ZC3HAV1: variants seen among roughly 807,000 people sequenced by gnomAD.
The protein encoded by ZC3HAV1 is zinc finger CCCH-type containing, antiviral 1.
A neutral mutation model predicts 86.6 loss-of-function variants in ZC3HAV1; 41 were observed. The ratio of observed to expected loss-of-function variants is 0.47; its 90% CI spans 0.37 to 0.61. The LOEUF is 0.61. Among genes scored for constraint, ZC3HAV1 ranks in the 20% least tolerant of loss-of-function variants. The probability of loss-of-function intolerance (pLI) is 0.00; values close to 1 mark genes in which losing one functional copy is unlikely to be tolerated. For missense variants in ZC3HAV1, 964 were observed against 1,141.1 expected (o/e 0.84, Z 2.24); for synonymous variants, 421 against 432.1 (o/e 0.97, Z 0.32).
chr7:139,065,061 T>C lies in ZC3HAV1; in HGVS notation c.1873-62A>G, dbSNP rs1417925849. ...GGCTTTTAGGAAATCTCTACTGTTA[T>C]ATGATTTCGTTTTAGCAATGAGATG... On this transcript the variant is annotated intron_variant, in intron 7 of 12. Coordinates refer to ENST00000242351, the MANE Select transcript of ZC3HAV1 (RefSeq NM_020119.4). The C allele has an allele frequency of 7.5e-6, 12 of 1,598,352 alleles. No homozygotes were observed. In the Admixed American group the frequency reaches 1.0e-4, roughly 14 times the overall value.
At chr7:139,066,006 G>A (rs975604942) in intron 7 of ZC3HAV1, among the ~76,000 whole-genome samples, 3 of 152,124 alleles carry the variant, frequency 2.0e-5, no homozygotes, top group African/African-American at 7.2e-5. Flanking sequence ...GAATGTGTAG[G>A]TAAAAGGGAA....
intron 5 of ZC3HAV1, 98 bp from the exon 6 acceptor site, chr7:139,076,507 G>A (rs966831929): frequency 2.7e-6 from 4 of 1,506,412 alleles, no homozygotes; most frequent in Non-Finnish European, 3.6e-6. Context: ...TGCCTGCCCT[G>A]CCCCCTGCCA....
intron 2 of ZC3HAV1, among the ~76,000 whole-genome samples, chr7:139,085,579 G>C (rs981240128): frequency 6.6e-6 from 1 of 152,054 alleles, no homozygotes; most frequent in Non-Finnish European, 1.5e-5. Context: ...AGCAATCAAT[G>C]AAGTGACTGG....
chr7:139,080,560 G>A (rs568158887), intron 3 of ZC3HAV1, among the ~76,000 whole-genome samples: 2 of 152,304 alleles, frequency 1.3e-5, no homozygotes, highest in Admixed American at 1.3e-4. Context: ...CTCCTGAGTA[G>A]CTGAGACTAC....
chr7:139,104,929 A>G (rs966368923), intron 1 of ZC3HAV1, among the ~76,000 whole-genome samples: 2 of 142,520 alleles, frequency 1.4e-5, no homozygotes, highest in Non-Finnish European at 3.0e-5. Context: ...GCTACTCGGG[A>G]GGCTGAGGCA....
chr7:139,091,803 A>G (rs368364883), intron 1 of ZC3HAV1, among the ~76,000 whole-genome samples: 3 of 152,032 alleles, frequency 2.0e-5, no homozygotes, highest in South Asian at 4.2e-4. Flanking sequence ...TTGAGCTGAA[A>G]ATGACCTCAC....
At chr7:139,095,308 A>G (rs1817552930) in intron 1 of ZC3HAV1, among the ~76,000 whole-genome samples, 1 of 152,110 alleles carries the variant, frequency 6.6e-6, no homozygotes, top group Admixed American at 6.5e-5. Context: ...GTGTTATTAG[A>G]GGGTAGGGAT....
intron 7 of ZC3HAV1, among the ~76,000 whole-genome samples, chr7:139,067,783 G>A (rs904340021): frequency 2.6e-5 from 4 of 152,066 alleles, no homozygotes; most frequent in Non-Finnish European, 5.9e-5. Flanking sequence ...CGTGGCACAG[G>A]AGCCTTCACG....
intron 7 of ZC3HAV1, among the ~76,000 whole-genome samples, chr7:139,071,118 T>C (rs1179291393): frequency 6.6e-6 from 1 of 151,576 alleles, no homozygotes; most frequent in South Asian, 2.1e-4. Context: ...TTTTTTTTTT[T>C]TGGAGTCTTA....
intron 7 of ZC3HAV1, among the ~76,000 whole-genome samples, chr7:139,066,237 G>C (rs953898609): frequency 3.9e-5 from 6 of 152,086 alleles, no homozygotes; most frequent in African/African-American, 1.4e-4. Context: ...AGGGGCTCAC[G>C]GTTCCTTTTG....
chr7:139,082,319 G>A (rs1817148781), intron 3 of ZC3HAV1, among the ~76,000 whole-genome samples: 1 of 140,640 alleles, frequency 7.1e-6, no homozygotes, highest in East Asian at 2.2e-4. Flanking sequence ...CCTTAGGATG[G>A]CTATTATTAA....
Position 139,045,884 on chromosome 7 carries a change from T to C in ZC3HAV1, c.*1710A>G, listed in dbSNP as rs1815939619. The C allele has an allele frequency of 7.0e-6, 1 of 142,108 alleles. No homozygotes were observed. Among genetic ancestry groups the C allele is most frequent in the African/African-American group, 2.6e-5 (1 of 38,736 alleles). The allele number at this position is 142,108 out of a possible 1,614,324, so 8.8% of individuals were successfully genotyped here. On this transcript the variant is annotated 3_prime_UTR_variant, in exon 13 of 13. Coordinates refer to ENST00000242351, the MANE Select transcript of ZC3HAV1 (RefSeq NM_020119.4). ...TGTAGTAACTCTCCCAGAAAATAAC[T>C]CTACTCTAAAAAAACTATTTTTTTT...
At chr7:139,084,446 T>C (rs1443479209) in intron 2 of ZC3HAV1, among the ~76,000 whole-genome samples, 1 of 152,276 alleles carries the variant, frequency 6.6e-6, no homozygotes, top group Non-Finnish European at 1.5e-5. Context: ...CTAGGCAGAA[T>C]GACATTTCTC....
intron 1 of ZC3HAV1, among the ~76,000 whole-genome samples, chr7:139,107,957 A>G (rs1817983011): frequency 6.6e-6 from 1 of 152,230 alleles, no homozygotes. Flanking sequence ...CAGTTCATTC[A>G]GAAATTAGAT....
At chr7:139,056,415 C>CTTTTCTTTTTTTTTTTTTTTT (rs1816285866) in intron 9 of ZC3HAV1, among the ~76,000 whole-genome samples, 1 of 35,992 alleles carries the variant, frequency 2.8e-5, no homozygotes, top group Non-Finnish European at 5.5e-5. Context: ...CTTTTCTTTT[C>CTTTTCTTTTTTTTTTTTTTTT]TTTTTTTTTT....
chr7:139,073,708 C>G (rs1270709117), intron 7 of ZC3HAV1, 148 bp downstream of exon 7: 2 of 617,270 alleles, frequency 3.2e-6, no homozygotes, highest in Non-Finnish European at 4.7e-6. Context: ...CCAGGCTGGT[C>G]TCGAACTCCT....
Position 139,047,234 on chromosome 7 carries a change from C to T in ZC3HAV1, c.*360G>A. 4.0e-6 allele frequency: 1 copy of T among 250,450 alleles called. No homozygotes were observed. Among genetic ancestry groups the T allele is most frequent in the Non-Finnish European group, 7.6e-6 (1 of 131,526 alleles). The allele number at this position is 250,450 out of a possible 1,614,324, so 15.5% of individuals were successfully genotyped here. A position where few individuals can be genotyped will look rare whatever the true frequency, so the allele number is the denominator to read the frequency against. ...GTTCCAGCTACTCGGGAGGCTGAGG[C>T]AGGAGAATTGCTTGAACCCGGGAGG... On this transcript the variant is annotated 3_prime_UTR_variant, in exon 13 of 13. Transcript: ENST00000242351.
chr7:139,084,012 T>TC lies in ZC3HAV1; in HGVS notation c.464dup (p.Glu156ArgfsTer8). The TC allele has an allele frequency of 6.2e-7, 1 of 1,614,080 alleles. No individual in the cohort carries two copies. Among genetic ancestry groups the TC allele is most frequent in the South Asian group, 1.1e-5 (1 of 91,068 alleles). On this transcript the variant is annotated frameshift_variant, in exon 3 of 13. Transcript: ENST00000242351. LOFTEE classifies it high-confidence loss of function. Reference sequence around the variant, plus strand: ...GGTTACAAATCTGCTGCCGACCCTCTCCCTTATAACTTTTGCATATCTACA... The same window carrying TC: ...GGTTACAAATCTGCTGCCGACCCTCTCCCCTTATAACTTTTGCATATCTACA...
At chr7:139,059,063 T>A (rs1324917143) in intron 9 of ZC3HAV1, among the ~76,000 whole-genome samples, 1 of 152,182 alleles carries the variant, frequency 6.6e-6, no homozygotes, top group Non-Finnish European at 1.5e-5. Context: ...AACACACTTT[T>A]GTGAAGACAT....
Sources: allele counts gnomAD v4.1 joint callset (sites outside exome capture counted in the v4.1 genomes callset), GRCh38; gene constraint gnomAD v4.1.1; transcripts MANE v1.5; gene names NCBI Gene and HGNC (gene_info 2026-07-23, HGNC 2026-07-21).